The following PARP8 variants were observed in gnomAD, a reference collection of about 807,000 sequenced individuals.
PARP8 encodes protein mono-ADP-ribosyltransferase PARP8.
In PARP8, 51 loss-of-function variants were observed where a neutral mutation model predicts 124.1. That is an observed-to-expected ratio of 0.41 (90% CI 0.33 to 0.52). The LOEUF is 0.52. PARP8 is among the 20% of genes least tolerant of loss of function. PARP8 has a pLI of 0.21. For missense variants in PARP8, 860 were observed against 1,018.9 expected (o/e 0.84, Z 2.12); for synonymous variants, 391 against 361.5 (o/e 1.08, Z -0.93).
chr5:50,707,621 G>T (rs1174608842), intron 2 of PARP8, among the ~76,000 whole-genome samples: 1 of 97,806 alleles, frequency 1.0e-5, no homozygotes, highest in Non-Finnish European at 2.0e-5. Flanking sequence ...AGATAGATAG[G>T]GGAGACAGAG....
chr5:50,821,451 A>T lies in PARP8; in HGVS notation c.1794+113A>T. ...TTCTATCTAAATCTCTATCTCATCA[A>T]GCATATCCATGAGTATTTAATTTCA... On this transcript the variant is annotated intron_variant, in intron 16 of 25. Coordinates refer to ENST00000281631, the MANE Select transcript of PARP8 (RefSeq NM_024615.4). 7.7e-6 allele frequency: 9 copies of T among 1,171,994 alleles called. No individual in the cohort carries two copies. The South Asian group carries it at 1.3e-4, about 17-fold the overall frequency. 72.6% of individuals were successfully genotyped at this position (1,171,994 alleles called of 1,614,324 possible). A position where few individuals can be genotyped will look rare whatever the true frequency, so the allele number is the denominator to read the frequency against.
chr5:50,826,045 T>C (rs986977479), intron 18 of PARP8, among the ~76,000 whole-genome samples: 17 of 152,184 alleles, frequency 1.1e-4, no homozygotes, highest in Admixed American at 3.9e-4. Flanking sequence ...TTTCTCATTG[T>C]TATATTCAGA....
At chr5:50,716,363 C>T (rs372624028) in intron 2 of PARP8, among the ~76,000 whole-genome samples, 3 of 152,182 alleles carry the variant, frequency 2.0e-5, no homozygotes, top group East Asian at 3.9e-4. Context: ...GATTGGGCGG[C>T]TTCTCCTCTG....
At chr5:50,724,100 G>A (rs536601729) in intron 2 of PARP8, among the ~76,000 whole-genome samples, 1 of 152,162 alleles carries the variant, frequency 6.6e-6, no homozygotes, top group South Asian at 2.1e-4. Context: ...GGGACTATAG[G>A]CATCCCCTCC....
chr5:50,799,939 T>C (rs1743012346), intron 14 of PARP8, among the ~76,000 whole-genome samples: 1 of 152,214 alleles, frequency 6.6e-6, no homozygotes, highest in Admixed American at 6.5e-5. Flanking sequence ...GACATCTTTA[T>C]CTTCCCAGCC....
chr5:50,788,810 C>T (rs903796575), intron 10 of PARP8, among the ~76,000 whole-genome samples: 1 of 152,168 alleles, frequency 6.6e-6, no homozygotes, highest in African/African-American at 2.4e-5. Flanking sequence ...ATCCAAGATC[C>T]ACTCTCTTTC....
intron 9 of PARP8, among the ~76,000 whole-genome samples, chr5:50,780,188 G>A (rs912699855): frequency 1.3e-5 from 2 of 152,126 alleles, no homozygotes; most frequent in Non-Finnish European, 2.9e-5. Context: ...CATTAAATAA[G>A]CCATAAGGGA....
intron 2 of PARP8, among the ~76,000 whole-genome samples, chr5:50,697,946 A>G (rs571124086): frequency 2.2e-4 from 34 of 152,156 alleles, no homozygotes; most frequent in Non-Finnish European, 4.3e-4. Flanking sequence ...TTCCTTTTTC[A>G]TCTCCTTTGT....
At chr5:50,833,185 G>T (rs889928315) in intron 23 of PARP8, among the ~76,000 whole-genome samples, 2 of 152,116 alleles carry the variant, frequency 1.3e-5, no homozygotes, top group African/African-American at 2.4e-5. Flanking sequence ...TAGATAGATA[G>T]AATGCTAGAT....
chr5:50,692,436 T>G (rs1752589690), intron 2 of PARP8, among the ~76,000 whole-genome samples: 1 of 152,122 alleles, frequency 6.6e-6, no homozygotes, highest in African/African-American at 2.4e-5. Flanking sequence ...AGTGATCACA[T>G]GATTAAAAGT....
At chr5:50,760,265 AT>A (rs1304477184) in intron 4 of PARP8, 26 bp from the exon 5 acceptor site, 2 of 1,466,652 alleles carry the variant, frequency 1.4e-6, no homozygotes, top group Non-Finnish European at 1.8e-6. Context: ...GTATCATAAT[AT>A]TTTTTAAATT....
chr5:50,821,375 T>C (rs1561431096), intron 16 of PARP8, 37 bp downstream of exon 16: 1 of 1,609,514 alleles, frequency 6.2e-7, no homozygotes, highest in Non-Finnish European at 8.5e-7. Context: ...CACAAAGTTT[T>C]CTTTAACAAT....
At chr5:50,821,157 G>A in intron 15 of PARP8, 56 bp from the exon 16 acceptor site, 7 of 1,599,248 alleles carry the variant, frequency 4.4e-6, no homozygotes, top group Non-Finnish European at 6.0e-6. Context: ...AGAAACAATG[G>A]CAAAGCACTG....
In PARP8 at chr5:50,779,421, A is replaced by G. The variant is rs981740255; in HGVS notation, c.670+771A>G. On this transcript the variant is annotated intron_variant, in intron 9 of 25. Coordinates refer to ENST00000281631, the MANE Select transcript of PARP8 (RefSeq NM_024615.4). ...CCAAATCAAGGCCTCACTGGGTTGG[A>G]TACACACAATGCTGGACGTTCAAAT... Among the ~76,000 whole-genome samples the G allele has an allele frequency of 9.0e-4, 137 of 152,188 alleles. 1 individual carries two copies. The highest frequency in any genetic ancestry group is 3.7e-4 in the Non-Finnish European group (25 of 68,036).
chr5:50,763,328 T>G (rs1760746881), intron 7 of PARP8, 86 bp downstream of exon 7: 3 of 1,079,798 alleles, frequency 2.8e-6, no homozygotes, highest in East Asian at 2.5e-5. Flanking sequence ...AGGAAAAATT[T>G]GGGGTTTTAA....
chr5:50,702,980 A>G (rs561337704), intron 2 of PARP8, among the ~76,000 whole-genome samples: 1 of 152,302 alleles, frequency 6.6e-6, no homozygotes, highest in Admixed American at 6.5e-5. Flanking sequence ...AGAGTTGTAC[A>G]AACAAACCAG....
chr5:50,695,883 TCTC>T (rs557137560), intron 2 of PARP8, among the ~76,000 whole-genome samples: 216 of 152,308 alleles, frequency 1.4e-3, no homozygotes, highest in Middle Eastern at 3.4e-3. Context: ...TCAAAATCAT[TCTC>T]CTCTATGCAT....
chr5:50,806,801 T>C (rs1039851836), intron 14 of PARP8, among the ~76,000 whole-genome samples: 22 of 152,090 alleles, frequency 1.4e-4, no homozygotes, highest in Non-Finnish European at 3.1e-4. Flanking sequence ...TGTATTTACA[T>C]TGCAATATAT....
At chr5:50,730,851 T>C (rs1756906131) in intron 2 of PARP8, among the ~76,000 whole-genome samples, 1 of 152,192 alleles carries the variant, frequency 6.6e-6, no homozygotes, top group Non-Finnish European at 1.5e-5. Flanking sequence ...GATGAAGAAA[T>C]TACTGCATAA....
Sources: gnomAD v4.1 joint callset for allele counts (sites outside exome capture counted in the v4.1 genomes callset) on GRCh38, gnomAD v4.1.1 for gene constraint, MANE v1.5 for transcripts, NCBI Gene and HGNC (gene_info 2026-07-23, HGNC 2026-07-21) for gene names.